DNASE1L1: variants seen among roughly 807,000 people sequenced by gnomAD.
The protein encoded by DNASE1L1 is deoxyribonuclease-1-like 1.
In DNASE1L1, 8 loss-of-function variants were observed where a neutral mutation model predicts 18.6. The observed-to-expected ratio is 0.43, with a 90% CI of 0.25 to 0.78. The LOEUF is 0.78. DNASE1L1 is among the 30% of genes least tolerant of loss of function. The probability of loss-of-function intolerance (pLI) is 0.23; values close to 1 mark genes in which losing one functional copy is unlikely to be tolerated. For synonymous variants in DNASE1L1, 114 were observed against 114.2 expected (o/e 1.00, Z 0.01); for missense variants, 214 against 258.2 (o/e 0.83, Z 1.17).
rs1186519349 is a variant in DNASE1L1, at chrX:154,402,054, GTTGCCTTGACCAGCC to G, written c.*638_*652del. ...TGGTGCAGATTTTCTGTGTGGAGAT[GTTGCCTTGACCAGCC>G]TTGGCTGGACTTTACCAGGCATGCA... On this transcript the variant is annotated 3_prime_UTR_variant, in exon 8 of 8. Transcript: ENST00000369807. 8.9e-6 allele frequency: 1 copy of G among 112,423 alleles called. No homozygotes were observed. The highest frequency in any genetic ancestry group is 1.9e-5 in the Non-Finnish European group (1 of 53,361). The allele number at this position is 112,423 out of a possible 1,213,427, so 9.3% of individuals were successfully genotyped here.
Position 154,404,886 on chromosome X carries a change from G to C in DNASE1L1, c.253C>G (p.Leu85Val). 1 of 1,211,743 alleles carries C rather than the reference G, an allele frequency of 8.3e-7. No homozygotes were observed. Among genetic ancestry groups the C allele is most frequent in the Non-Finnish European group, 1.1e-6 (1 of 895,452 alleles). ...RFDGSGPYSTLSSPQLGRSTY... is the reference protein window; with the variant it reads ...RFDGSGPYSTVSSPQLGRSTY... ...CTGCGCCCCAGCTGGGGGCTGCTCA[G>C]GGTGCTGTAGGGCCCAGAGCCATCA... The change falls in exon 4 of 8, where the codon CTG becomes GTG. Residue 85 changes from leucine (L) to valine (V), a missense_variant. Physicochemically the swap from Leu to Val is conservative, Grantham distance 32. Transcript: ENST00000369807.
chrX:154,407,932 AT>A (rs1255166573), intron 1 of DNASE1L1, among the ~76,000 whole-genome samples: 5 of 84,535 alleles, frequency 5.9e-5, no homozygotes, highest in East Asian at 3.7e-4. Context: ...CACCAAGCTA[AT>A]TTTTTTTTTC....
intron 1 of DNASE1L1, among the ~76,000 whole-genome samples, chrX:154,406,664 CTTT>C (rs782761679): frequency 2.3e-5 from 2 of 86,138 alleles, no homozygotes; most frequent in South Asian, 5.4e-4. Flanking sequence ...CCACCGTGTC[CTTT>C]TTTTTTTTTT....
upstream of DNASE1L1, among the ~76,000 whole-genome samples, chrX:154,410,999 CTG>C (rs1246523342): frequency 1.8e-5 from 2 of 112,569 alleles, no homozygotes; most frequent in African/African-American, 6.4e-5. Context: ...GACATTGTGA[CTG>C]TATCAGATGG....
intron 1 of DNASE1L1, among the ~76,000 whole-genome samples, chrX:154,406,236 C>T (rs1557188445): frequency 9.0e-6 from 1 of 110,787 alleles, no homozygotes; most frequent in Non-Finnish European, 1.9e-5. Flanking sequence ...TCCCAAAATG[C>T]TGGGATTACA....
At chrX:154,403,487 G>C in intron 5 of DNASE1L1, 35 bp downstream of exon 5, 1 of 1,198,609 alleles carries the variant, frequency 8.3e-7, no homozygotes, top group Non-Finnish European at 1.1e-6. Flanking sequence ...CTCCCCTTCT[G>C]CTCCCACATA....
At chrX:154,409,501 C>G (rs1603374521), upstream of DNASE1L1, 1 of 127,398 alleles carries the variant, frequency 7.8e-6, no homozygotes, top group Non-Finnish European at 1.6e-5. Flanking sequence ...CGTCGCTCAG[C>G]TCCCGGTCTG....
Position 154,401,602 on chromosome X carries a change from TGAG to T in DNASE1L1, c.*1102_*1104del, listed in dbSNP as rs1324839769. 1 of 111,833 alleles carries T rather than the reference TGAG, an allele frequency of 8.9e-6. No homozygotes were observed. Among genetic ancestry groups the T allele is most frequent in the Non-Finnish European group, 1.9e-5 (1 of 53,543 alleles). The allele number at this position is 111,833 out of a possible 1,213,427, so 9.2% of individuals were successfully genotyped here. On this transcript the variant is annotated 3_prime_UTR_variant, in exon 8 of 8. Transcript: ENST00000369807. ...CTGGCTTTTGGGGGAGCAGCAAAAA[TGAG>T]AGGAGTGCTAGGTGGGTGGCCTGAG...
rs781992791 is a variant in DNASE1L1 at position 154,403,020 on chromosome X, G to A, written c.696C>T (p.His232=). ...THCTYDRVVL[H]GERCRSLLHT... ...GCAGCAGACTCCGGCAGCGCTCCCCGTGCAGCACGACGCGGTCATAGGTGC... is the reference window on the plus strand; with the variant it reads ...GCAGCAGACTCCGGCAGCGCTCCCCATGCAGCACGACGCGGTCATAGGTGC... The change falls in exon 7 of 8, where the codon CAC becomes CAT. Residue 232 remains histidine (H), a synonymous_variant. Coordinates refer to ENST00000369807, the MANE Select transcript of DNASE1L1 (RefSeq NM_001303620.2). The A allele has an allele frequency of 2.3e-5, 28 of 1,210,434 alleles. No individual in the cohort carries two copies. In the Middle Eastern group the frequency reaches 9.2e-4, roughly 40 times the overall value.
intron 4 of DNASE1L1, among the ~76,000 whole-genome samples, chrX:154,403,966 G>A (rs1445060338): frequency 9.5e-6 from 1 of 105,675 alleles, no homozygotes; most frequent in Admixed American, 1.0e-4. Flanking sequence ...CCATTAATCT[G>A]TTCTCTATCT....
rs782276598 is a variant in DNASE1L1 at position 154,403,562 on chromosome X, G to A, written c.372C>T (p.Ala124=). The A allele has an allele frequency of 1.1e-4, 135 of 1,210,553 alleles. No homozygotes were observed. The South Asian group carries it at 2.1e-3, about 18-fold the overall frequency. Residue 124 remains alanine (A), a synonymous_variant, in exon 5 of 8, where the codon GCC becomes GCT. Coordinates refer to ENST00000369807, the MANE Select transcript of DNASE1L1 (RefSeq NM_001303620.2). ...YVYNDEDDVF[A]REPFVAQFSL... is the part of the protein sequence containing the mutation. ...AGAACTGGGCCACAAATGGCTCCCG[G>A]GCAAAGACGTCATCCTCATCGTTGT... is the stretch of plus-strand genomic sequence containing the variant.
intron 2 of DNASE1L1, 29 bp downstream of exon 2, chrX:154,405,405 G>A (rs782249701): frequency 2.6e-6 from 3 of 1,165,210 alleles, no homozygotes; most frequent in Non-Finnish European, 3.5e-6. Flanking sequence ...GTGGTTAGGG[G>A]CACGGCTTCC....
Position 154,409,227 on chromosome X carries a change from G to A in DNASE1L1, c.-203C>T, listed in dbSNP as rs2068215936. 2.3e-5 allele frequency: 7 copies of A among 304,106 alleles called. No homozygotes were observed. The highest frequency in any genetic ancestry group is 2.1e-4 in the South Asian group (7 of 33,412). 25.1% of individuals were successfully genotyped at this position (304,106 alleles called of 1,213,427 possible). Reference sequence around the variant, plus strand: ...AGGGGAAAAAAAAGAGGAAGAGGCTGTGTTCCTGAGCCACCCGGCCAGGAA... The same window carrying A: ...AGGGGAAAAAAAAGAGGAAGAGGCTATGTTCCTGAGCCACCCGGCCAGGAA... On this transcript the variant is annotated 5_prime_UTR_variant, in exon 1 of 8. Coordinates refer to ENST00000369807, the MANE Select transcript of DNASE1L1 (RefSeq NM_001303620.2).
At chrX:154,406,664 C>CTT (rs782761679) in intron 1 of DNASE1L1, among the ~76,000 whole-genome samples, 13 of 86,139 alleles carry the variant, frequency 1.5e-4, no homozygotes, top group South Asian at 5.4e-4. Flanking sequence ...CCACCGTGTC[C>CTT]TTTTTTTTTT....
At chrX:154,410,311 T>C (rs1557189689), upstream of DNASE1L1, among the ~76,000 whole-genome samples, 1 of 110,774 alleles carries the variant, frequency 9.0e-6, no homozygotes, top group Non-Finnish European at 1.9e-5. Context: ...ACTCACACTT[T>C]GGGAGGAGAG....
At chrX:154,406,392 G>A (rs782441081) in intron 1 of DNASE1L1, among the ~76,000 whole-genome samples, 3 of 87,816 alleles carry the variant, frequency 3.4e-5, no homozygotes, top group African/African-American at 4.7e-5. Flanking sequence ...TTTTTGAGAC[G>A]GAGTTTCGCT....
At chrX:154,404,380 TCTC>T (rs1325135094) in intron 4 of DNASE1L1, among the ~76,000 whole-genome samples, 10 of 110,985 alleles carry the variant, frequency 9.0e-5, no homozygotes, top group African/African-American at 3.3e-4. Context: ...GAGAATCAGT[TCTC>T]CTTCCCTGCA....
rs1464688819 is a variant in DNASE1L1, at chrX:154,405,033, G to A, written c.186C>T (p.Ser62=). ...GAAGCAGGAGCGGGATGGCGCTGCC[G>A]GAAGAGTCCACCACCTCCTGCAGCA... is the stretch of plus-strand genomic sequence containing the variant. The part of the protein sequence containing the change: ...IMVLQEVVDS[S]GSAIPLLLRE... The change falls in exon 3 of 8, where the codon TCC becomes TCT. Residue 62 remains serine, a synonymous_variant. Coordinates refer to ENST00000369807, the MANE Select transcript of DNASE1L1 (RefSeq NM_001303620.2). 1.1e-5 allele frequency: 13 copies of A among 1,209,707 alleles called. No homozygotes were observed. Among genetic ancestry groups the A allele is most frequent in the East Asian group, 3.0e-5 (1 of 33,743 alleles).
intron 2 of DNASE1L1, 108 bp from the exon 3 acceptor site, chrX:154,405,191 G>T: frequency 1.1e-6 from 1 of 873,080 alleles, no homozygotes; most frequent in Non-Finnish European, 1.6e-6. Context: ...AAGGCTCACT[G>T]ACTGCAGCCC....
Sources: allele counts gnomAD v4.1 joint callset (sites outside exome capture counted in the v4.1 genomes callset), GRCh38; gene constraint gnomAD v4.1.1; transcripts MANE v1.5; gene names NCBI Gene and HGNC (gene_info 2026-07-23, HGNC 2026-07-21).